Variants in CREB5 observed in about 807,000 individuals in gnomAD.
CREB5 encodes cyclic AMP-responsive element-binding protein 5.
In CREB5, 19 loss-of-function variants were observed where a neutral mutation model predicts 57.1. The ratio of observed to expected loss-of-function variants is 0.33; its 90% CI spans 0.23 to 0.49. The LOEUF (loss-of-function observed/expected upper bound fraction) is 0.49. Among genes scored for constraint, CREB5 ranks in the 20% least tolerant of loss-of-function variants. The pLI is 0.99. For missense variants in CREB5, 579 were observed against 671.6 expected, an observed-to-expected ratio of 0.86 and a Z score of 1.52; for synonymous variants, 238 against 238.3, an observed-to-expected ratio of 1.00 and a Z score of 0.01.
chr7:28,501,355 T>C (rs1399833141), intron 3 of CREB5, among the ~76,000 whole-genome samples: 2 of 152,246 alleles, frequency 1.3e-5, no homozygotes, highest in African/African-American at 4.8e-5. Context: ...AAAATCAGAT[T>C]GTCTCATCCA....
chr7:28,451,259 A>G (rs1304316400), intron 1 of CREB5, among the ~76,000 whole-genome samples: 1 of 152,190 alleles, frequency 6.6e-6, no homozygotes, highest in East Asian at 1.9e-4. Flanking sequence ...TTGACTGGAA[A>G]GTAACTATTC....
intron 1 of CREB5, among the ~76,000 whole-genome samples, chr7:28,374,293 G>A (rs557275237): frequency 1.2e-4 from 19 of 152,288 alleles, no homozygotes; most frequent in African/African-American, 4.3e-4. Context: ...GTGCAATGGA[G>A]AAGTTTGGCT....
At chr7:28,522,386 C>CTTTT (rs1793241848) in intron 4 of CREB5, among the ~76,000 whole-genome samples, 1 of 125,928 alleles carries the variant, frequency 7.9e-6, no homozygotes, top group African/African-American at 3.2e-5. Flanking sequence ...ATATCCTGCT[C>CTTTT]TTTGTTTTTT....
At chr7:28,473,155 T>C (rs1790900102) in intron 1 of CREB5, among the ~76,000 whole-genome samples, 1 of 152,076 alleles carries the variant, frequency 6.6e-6, no homozygotes, top group South Asian at 2.1e-4. Context: ...GGACCCCATC[T>C]CTACAAAAAA....
At chr7:28,353,043 T>A (rs1408479004) in intron 1 of CREB5, among the ~76,000 whole-genome samples, 1 of 151,926 alleles carries the variant, frequency 6.6e-6, no homozygotes, top group African/African-American at 2.4e-5. Flanking sequence ...ATCTTTCTTC[T>A]TTCCCTTAGA....
intron 1 of CREB5, among the ~76,000 whole-genome samples, chr7:28,385,079 G>A (rs531625029): frequency 7.2e-5 from 11 of 152,186 alleles, no homozygotes; most frequent in Admixed American, 5.2e-4. Context: ...TATTTTTAAA[G>A]GGAAGTATGT....
At chr7:28,658,041 A>G (rs1799405334) in intron 5 of CREB5, among the ~76,000 whole-genome samples, 2 of 152,188 alleles carry the variant, frequency 1.3e-5, no homozygotes, top group Non-Finnish European at 2.9e-5. Context: ...GGTGTAAACA[A>G]TATATTTGTG....
At chr7:28,756,214 G>A (rs73077862) in intron 7 of CREB5, among the ~76,000 whole-genome samples, 16 of 152,016 alleles carry the variant, frequency 1.1e-4, no homozygotes, top group Middle Eastern at 3.2e-3. Context: ...AAGGCAAGTC[G>A]CAGCCAAATG....
intron 1 of CREB5, among the ~76,000 whole-genome samples, chr7:28,348,173 G>C (rs889815394): frequency 1.3e-5 from 2 of 152,128 alleles, no homozygotes; most frequent in African/African-American, 4.8e-5. Context: ...TATCCATGTG[G>C]CTTCTTATTC....
At chr7:28,729,919 G>A (rs1171429454) in intron 7 of CREB5, among the ~76,000 whole-genome samples, 2 of 152,146 alleles carry the variant, frequency 1.3e-5, no homozygotes, top group Non-Finnish European at 2.9e-5. Context: ...CTCCCTCATT[G>A]CTGTGAAAAC....
chr7:28,611,807 G>A (rs1427747723), intron 5 of CREB5, among the ~76,000 whole-genome samples: 1 of 152,030 alleles, frequency 6.6e-6, no homozygotes, highest in Non-Finnish European at 1.5e-5. Flanking sequence ...TCTATATCAT[G>A]GTTGCAGTGG....
intron 3 of CREB5, among the ~76,000 whole-genome samples, chr7:28,502,351 A>G (rs1792307630): frequency 6.6e-6 from 1 of 152,174 alleles, no homozygotes; most frequent in Non-Finnish European, 1.5e-5. Flanking sequence ...TTTTAAAGAA[A>G]GCATTTGCTG....
chr7:28,325,930 C>G (rs1351328443), intron 1 of CREB5, among the ~76,000 whole-genome samples: 1 of 152,204 alleles, frequency 6.6e-6, no homozygotes, highest in Non-Finnish European at 1.5e-5. Flanking sequence ...GTCCTTTTGA[C>G]ACAGCTCTGT....
At chr7:28,809,747 C>T (rs1411772360) in intron 9 of CREB5, among the ~76,000 whole-genome samples, 1 of 152,206 alleles carries the variant, frequency 6.6e-6, no homozygotes, top group Non-Finnish European at 1.5e-5. Context: ...CTCTCAGTTT[C>T]TTCCTCTACA....
chr7:28,629,407 G>A (rs984696742), intron 5 of CREB5, among the ~76,000 whole-genome samples: 2 of 152,212 alleles, frequency 1.3e-5, no homozygotes, highest in East Asian at 1.9e-4. Context: ...GCTGCTGTTG[G>A]TCCCTGAATT....
At chr7:28,648,292 A>G (rs1181605281) in intron 5 of CREB5, among the ~76,000 whole-genome samples, 1 of 152,184 alleles carries the variant, frequency 6.6e-6, no homozygotes, top group Non-Finnish European at 1.5e-5. Flanking sequence ...ATAGTCTTTT[A>G]TTTGAAGAGG....
intron 4 of CREB5, among the ~76,000 whole-genome samples, chr7:28,529,128 C>A (rs899803655): frequency 5.9e-5 from 9 of 152,238 alleles, no homozygotes; most frequent in African/African-American, 2.2e-4. Context: ...ACCTGGAGCA[C>A]AACTGGTGTC....
intron 1 of CREB5, among the ~76,000 whole-genome samples, chr7:28,337,502 T>C (rs557990375): frequency 1.7e-4 from 26 of 151,354 alleles, no homozygotes; most frequent in Admixed American, 7.3e-4. Context: ...TAGTCTGATA[T>C]AAGTATAGCT....
chr7:28,807,946 T>C (rs1417267587), intron 8 of CREB5, among the ~76,000 whole-genome samples: 1 of 152,220 alleles, frequency 6.6e-6, no homozygotes, highest in Admixed American at 6.5e-5. Flanking sequence ...TAAAGCTCTA[T>C]GTGTGGGGGT....
Sources: gnomAD v4.1 joint callset for allele counts (sites outside exome capture counted in the v4.1 genomes callset) on GRCh38, gnomAD v4.1.1 for gene constraint, MANE v1.5 for transcripts, NCBI Gene and HGNC (gene_info 2026-07-23, HGNC 2026-07-21) for gene names.